NXPE2: variants seen among roughly 807,000 people sequenced by gnomAD.
The protein encoded by NXPE2 is neurexophilin and PC-esterase domain family member 2.
Under a neutral mutation model 34.4 loss-of-function variants are expected in NXPE2, and 34 were observed. That is an observed-to-expected ratio of 0.99 (90% CI 0.75 to 1.31). The LOEUF (loss-of-function observed/expected upper bound fraction) is 1.31, where lower values mean the gene tolerates loss of function less well. NXPE2 is among the 40% of genes most tolerant of loss of function. The probability of loss-of-function intolerance (pLI) is 0.00; values close to 1 mark genes in which losing one functional copy is unlikely to be tolerated. For synonymous variants in NXPE2, 235 were observed against 231.3 expected (o/e 1.02, Z -0.15); for missense variants, 649 against 672.5 (o/e 0.97, Z 0.39).
chr11:114,738,704 G>A, the NXPE2 span, among the ~76,000 whole-genome samples: 1 of 152,060 alleles, frequency 6.6e-6, no homozygotes. Context: ...GTCAGTGATG[G>A]TTACGTTAAC....
the NXPE2 span, among the ~76,000 whole-genome samples, chr11:114,763,527 A>G: frequency 6.6e-6 from 1 of 152,342 alleles, no homozygotes; most frequent in African/African-American, 2.4e-5. Flanking sequence ...TCAGATCCCC[A>G]TGATATAAAG....
chr11:114,494,813 TGG>T, the NXPE2 span, among the ~76,000 whole-genome samples: 10 of 152,244 alleles, frequency 6.6e-5, no homozygotes, highest in Admixed American at 5.9e-4. Context: ...GTAGTCTTCA[TGG>T]TCTGGGCTTG....
At chr11:114,548,009 G>A in the NXPE2 span, among the ~76,000 whole-genome samples, 1 of 151,640 alleles carries the variant, frequency 6.6e-6, no homozygotes, top group East Asian at 1.9e-4. Flanking sequence ...ATCAGAGATT[G>A]AACAATTAAA....
the NXPE2 span, among the ~76,000 whole-genome samples, chr11:114,633,137 T>C: frequency 8.0e-6 from 1 of 125,414 alleles, no homozygotes; most frequent in African/African-American, 3.1e-5. Context: ...ATATTTCATA[T>C]ATTATTTTAT....
chr11:114,556,702 T>A, the NXPE2 span, among the ~76,000 whole-genome samples: 311 of 152,120 alleles, frequency 2.0e-3, 1 homozygote, highest in African/African-American at 7.2e-3. Context: ...AAAATGTATT[T>A]TTTTCCAGAG....
At chr11:114,801,510 T>C in the NXPE2 span, among the ~76,000 whole-genome samples, 1 of 152,160 alleles carries the variant, frequency 6.6e-6, no homozygotes, top group African/African-American at 2.4e-5. Flanking sequence ...GTAAAAGCAA[T>C]TGTAGAAAGT....
At chr11:114,800,557 C>T in the NXPE2 span, among the ~76,000 whole-genome samples, 92 of 152,144 alleles carry the variant, frequency 6.0e-4, 2 homozygotes, top group South Asian at 0.017. Context: ...ATCTGCAAAC[C>T]TCGTACCTAG....
the NXPE2 span, among the ~76,000 whole-genome samples, chr11:114,663,621 CT>C: frequency 4.9e-4 from 48 of 97,236 alleles, no homozygotes; most frequent in East Asian, 5.6e-3. Flanking sequence ...ATCTATCTAT[CT>C]ATCTATCTAT....
At chr11:114,597,571 A>G in the NXPE2 span, among the ~76,000 whole-genome samples, 3 of 152,194 alleles carry the variant, frequency 2.0e-5, no homozygotes, top group African/African-American at 2.4e-5. Context: ...AGCTCTGTCC[A>G]TAGAGAAGCC....
chr11:114,795,706 T>C, the NXPE2 span, among the ~76,000 whole-genome samples: 3 of 152,212 alleles, frequency 2.0e-5, no homozygotes, highest in South Asian at 2.1e-4. Context: ...GTGCCCTTGC[T>C]GGCAAATTGT....
At chr11:114,611,811 C>T in the NXPE2 span, among the ~76,000 whole-genome samples, 1 of 151,908 alleles carries the variant, frequency 6.6e-6, no homozygotes, top group African/African-American at 2.4e-5. Context: ...TCTTGGGAAA[C>T]CACTGTTACC....
the NXPE2 span, chr11:114,530,352 TC>T: frequency 6.2e-7 from 1 of 1,614,188 alleles, no homozygotes; most frequent in South Asian, 1.1e-5. Context: ...CAGGCCACAT[TC>T]AGTGAAGACA....
At chr11:114,702,345 TC>T (rs5794928) in intron 3 of NXPE2, among the ~76,000 whole-genome samples, 58,449 of 152,018 alleles carry the variant, frequency 0.38, 12,290 homozygotes, top group South Asian at 0.49. Flanking sequence ...ATCAAATTTT[TC>T]TTTGGTAACC....
the NXPE2 span, among the ~76,000 whole-genome samples, chr11:114,464,806 A>G: frequency 9.7e-4 from 147 of 152,290 alleles, 1 homozygote; most frequent in Non-Finnish European, 1.7e-3. Flanking sequence ...AAATTATATA[A>G]TTGACAAAAA....
the NXPE2 span, among the ~76,000 whole-genome samples, chr11:114,564,511 T>A: frequency 6.6e-6 from 1 of 152,212 alleles, no homozygotes; most frequent in Non-Finnish European, 1.5e-5. Context: ...TGTAGTGTTA[T>A]ATGTGTCTAA....
the NXPE2 span, among the ~76,000 whole-genome samples, chr11:114,608,992 G>T: frequency 7.1e-6 from 1 of 139,946 alleles, no homozygotes; most frequent in Non-Finnish European, 1.6e-5. Context: ...AACCACTGTT[G>T]CCAGGTGGAT....
chr11:114,557,004 T>C, the NXPE2 span, among the ~76,000 whole-genome samples: 2 of 151,972 alleles, frequency 1.3e-5, no homozygotes, highest in Admixed American at 6.6e-5. Flanking sequence ...GCAATTATAG[T>C]GCCTCAGCCT....
At chr11:114,600,369 A>C in the NXPE2 span, among the ~76,000 whole-genome samples, 5 of 152,174 alleles carry the variant, frequency 3.3e-5, no homozygotes, top group African/African-American at 7.2e-5. Context: ...ATAGTTATAC[A>C]TGAAATGACC....
chr11:114,781,041 G>A, the NXPE2 span, among the ~76,000 whole-genome samples: 3 of 152,142 alleles, frequency 2.0e-5, no homozygotes, highest in African/African-American at 7.2e-5. Context: ...AGACTTACGA[G>A]GTATGGAGTG....
Sources: gnomAD v4.1 joint callset for allele counts (sites outside exome capture counted in the v4.1 genomes callset) on GRCh38, gnomAD v4.1.1 for gene constraint, MANE v1.5 for transcripts, NCBI Gene and HGNC (gene_info 2026-07-23, HGNC 2026-07-21) for gene names.